LDLRAD4: variants seen among roughly 807,000 people sequenced by gnomAD.
LDLRAD4 encodes the protein low density lipoprotein receptor class A domain containing 4, also known as low-density lipoprotein receptor class A domain-containing protein 4.
LDLRAD4 carries 5 observed loss-of-function variants against 17.0 expected under a neutral mutation model. The observed-to-expected ratio is 0.29, with a 90% CI of 0.15 to 0.62. The LOEUF (loss-of-function observed/expected upper bound fraction) is 0.62, where lower values mean the gene tolerates loss of function less well. LDLRAD4 is among the 20% of genes least tolerant of loss of function. LDLRAD4 has a pLI of 0.84. For missense variants in LDLRAD4, 340 were observed against 424.7 expected, an observed-to-expected ratio of 0.80 and a Z score of 1.75; for synonymous variants, 168 against 171.8, an observed-to-expected ratio of 0.98 and a Z score of 0.17.
chr18:13,294,134 CT>C (rs1173873137), intron 1 of LDLRAD4, among the ~76,000 whole-genome samples: 2 of 152,240 alleles, frequency 1.3e-5, no homozygotes, highest in Non-Finnish European at 2.9e-5. Context: ...CTCCCACATG[CT>C]TAGCGTTCCA....
chr18:13,570,622 T>C (rs1375149653), intron 3 of LDLRAD4, among the ~76,000 whole-genome samples: 1 of 152,178 alleles, frequency 6.6e-6, no homozygotes, highest in East Asian at 1.9e-4. Context: ...CTTGATTTTG[T>C]ACCTGGAGAG....
chr18:13,424,005 T>A (rs2089713268), intron 2 of LDLRAD4, among the ~76,000 whole-genome samples: 1 of 152,028 alleles, frequency 6.6e-6, no homozygotes, highest in South Asian at 2.1e-4. Flanking sequence ...CGTGGTGGCA[T>A]GTGCCTGTAA....
At chr18:13,373,794 G>A (rs62096890) in intron 1 of LDLRAD4, among the ~76,000 whole-genome samples, 27,096 of 152,174 alleles carry the variant, frequency 0.18, 2,909 homozygotes, top group South Asian at 0.27. Flanking sequence ...ACTTTTAGCT[G>A]AAACGTGGAG....
At chr18:13,394,127 G>A (rs1232546511) in intron 2 of LDLRAD4, among the ~76,000 whole-genome samples, 1 of 152,224 alleles carries the variant, frequency 6.6e-6, no homozygotes, top group Non-Finnish European at 1.5e-5. Flanking sequence ...TGTGGTATGT[G>A]TACTTGGTTT....
intron 3 of LDLRAD4, among the ~76,000 whole-genome samples, chr18:13,548,659 A>C (rs756280618): frequency 1.2e-4 from 18 of 152,330 alleles, no homozygotes; most frequent in Non-Finnish European, 2.2e-4. Context: ...CTGGGCCTCC[A>C]AGAGTCCAGG....
intron 1 of LDLRAD4, among the ~76,000 whole-genome samples, chr18:13,283,356 G>C (rs1046416412): frequency 3.3e-5 from 5 of 152,138 alleles, no homozygotes; most frequent in Non-Finnish European, 5.9e-5. Flanking sequence ...ACAACTGAAT[G>C]CCTTTAACAG....
chr18:13,359,153 C>T (rs551515935), intron 1 of LDLRAD4, among the ~76,000 whole-genome samples: 1 of 152,224 alleles, frequency 6.6e-6, no homozygotes, highest in African/African-American at 2.4e-5. Flanking sequence ...CAGCCTCAGG[C>T]TTTGTGCACA....
intron 1 of LDLRAD4, among the ~76,000 whole-genome samples, chr18:13,369,473 G>A (rs1003867280): frequency 3.3e-4 from 50 of 152,264 alleles, no homozygotes; most frequent in African/African-American, 1.0e-3. Context: ...CACTGTGGGC[G>A]TCTGCTGGTG....
intron 3 of LDLRAD4, among the ~76,000 whole-genome samples, chr18:13,579,380 C>T (rs1457102001): frequency 6.6e-6 from 1 of 152,134 alleles, no homozygotes; most frequent in Non-Finnish European, 1.5e-5. Context: ...TCATCTGTGA[C>T]ACATGGAAAA....
chr18:13,606,856 G>C (rs988439006), intron 3 of LDLRAD4, among the ~76,000 whole-genome samples: 22 of 152,126 alleles, frequency 1.4e-4, no homozygotes, highest in Non-Finnish European at 2.9e-4. Context: ...ATTTGTAATG[G>C]GCAGAGCCAT....
chr18:13,336,446 TA>T (rs1428224361), intron 1 of LDLRAD4, among the ~76,000 whole-genome samples: 1 of 152,240 alleles, frequency 6.6e-6, no homozygotes, highest in Non-Finnish European at 1.5e-5. Flanking sequence ...TGTTTCATTC[TA>T]TTGCTTGTTT....
At chr18:13,373,471 GCTGA>G (rs1032894335) in intron 1 of LDLRAD4, among the ~76,000 whole-genome samples, 82 of 152,258 alleles carry the variant, frequency 5.4e-4, no homozygotes, top group Middle Eastern at 3.4e-3. Flanking sequence ...TTGCTTGTGT[GCTGA>G]CTAATGAAAT....
chr18:13,248,043 C>T (rs1362363892), intron 1 of LDLRAD4, among the ~76,000 whole-genome samples: 1 of 149,820 alleles, frequency 6.7e-6, no homozygotes, highest in East Asian at 2.0e-4. Flanking sequence ...TCACTGCAAC[C>T]TCCACCTCCC....
intron 3 of LDLRAD4, among the ~76,000 whole-genome samples, chr18:13,476,631 A>AG (rs1325023867): frequency 6.6e-6 from 1 of 151,730 alleles, no homozygotes; most frequent in East Asian, 1.9e-4. Flanking sequence ...CTCAAAAAAA[A>AG]AAAAAATCCA....
At chr18:13,564,239 A>G (rs1454586950) in intron 3 of LDLRAD4, among the ~76,000 whole-genome samples, 1 of 152,252 alleles carries the variant, frequency 6.6e-6, no homozygotes, top group East Asian at 1.9e-4. Flanking sequence ...GCTGATAATT[A>G]TAGAAATTTT....
At chr18:13,646,938 G>A (rs1004017720) in exon 6 of LDLRAD4, 1 of 152,238 alleles carries the variant, frequency 6.6e-6, no homozygotes, top group South Asian at 2.1e-4. Flanking sequence ...GAAGCCCCTA[G>A]AAATAATGAC....
At chr18:13,281,676 G>C (rs371212785) in intron 1 of LDLRAD4, among the ~76,000 whole-genome samples, 3 of 152,098 alleles carry the variant, frequency 2.0e-5, no homozygotes, top group Non-Finnish European at 4.4e-5. Flanking sequence ...TCCCAGGTTT[G>C]GGGGTTCTAT....
At position 13,619,550 on chromosome 18, in the gene LDLRAD4, A is replaced by ATTT. The variant is rs1223694017; in HGVS notation, c.182-1567_182-1566insTTT. Among the ~76,000 whole-genome samples, 610 of 149,250 alleles carry ATTT rather than the reference A, an allele frequency of 4.1e-3. 4 individuals carry two copies. Among genetic ancestry groups the ATTT allele is most frequent in the African/African-American group, 0.015 (574 of 39,294 alleles). On this transcript the variant is annotated intron_variant, in intron 3 of 5. Coordinates refer to ENST00000359446, the Ensembl canonical transcript of LDLRAD4. The stretch of plus-strand genomic sequence containing the variant: ...CGGGGGTGGCACATATAAGTGTGGC[A>ATTT]GCTCCAATGGACATTTCCTCCCCAT...
rs183604239 is a variant in LDLRAD4 at position 13,571,786 on chromosome 18, G to A, written c.182-49331G>A. Among the ~76,000 whole-genome samples the A allele has an allele frequency of 8.8e-3, 1,341 of 152,210 alleles. 23 individuals are homozygous for A. Among genetic ancestry groups the A allele is most frequent in the African/African-American group, 0.03 (1,246 of 41,526 alleles). Reference sequence around the variant, plus strand: ...CAAGTAGCTGGGACTACAGGCGCCCGCCACTATGCCTGGCTAATTTTTTGT... The same window carrying A: ...CAAGTAGCTGGGACTACAGGCGCCCACCACTATGCCTGGCTAATTTTTTGT... On this transcript the variant is annotated intron_variant, in intron 3 of 5. Transcript: ENST00000359446.
Sources: allele counts gnomAD v4.1 joint callset (sites outside exome capture counted in the v4.1 genomes callset), GRCh38; gene constraint gnomAD v4.1.1; transcripts MANE v1.5; gene names NCBI Gene and HGNC (gene_info 2026-07-23, HGNC 2026-07-21).